Variants in MAD1L1 observed in about 807,000 individuals in gnomAD.
MAD1L1 encodes the protein mitotic spindle assembly checkpoint protein MAD1.
MAD1L1 carries 95 observed loss-of-function variants against 96.9 expected under a neutral mutation model. The ratio of observed to expected loss-of-function variants is 0.98; its 90% CI spans 0.83 to 1.16. The LOEUF is 1.16. MAD1L1 is among the 50% of genes most tolerant of loss of function. MAD1L1 has a pLI of 0.00. For synonymous variants in MAD1L1, 473 were observed against 396.6 expected, an observed-to-expected ratio of 1.19 and a Z score of -2.29; for missense variants, 1,007 against 954.4, an observed-to-expected ratio of 1.06 and a Z score of -0.73.
chr7:1,828,685 G>A (rs928317611), intron 18 of MAD1L1, among the ~76,000 whole-genome samples: 14 of 152,036 alleles, frequency 9.2e-5, no homozygotes, highest in Admixed American at 4.6e-4. Flanking sequence ...CAGAGCTCAC[G>A]AATATTTATA....
At chr7:1,855,238 C>G (rs1036618400) in intron 18 of MAD1L1, among the ~76,000 whole-genome samples, 1 of 152,092 alleles carries the variant, frequency 6.6e-6, no homozygotes, top group Non-Finnish European at 1.5e-5. Context: ...CAGTGGCAGA[C>G]GGGGCCTGAG....
At chr7:2,201,442 C>T (rs117482721) in intron 10 of MAD1L1, among the ~76,000 whole-genome samples, 2,295 of 152,270 alleles carry the variant, frequency 0.015, 28 homozygotes, top group Non-Finnish European at 0.023. Context: ...GGGGACAGCA[C>T]GCAACAGGAC....
At position 1,936,785 on chromosome 7, in the gene MAD1L1, C is replaced by CGCTCG. The variant is rs1209220602; in HGVS notation, c.1704_1708dup (p.Arg570ProfsTer37). 2 of 1,581,082 alleles carry CGCTCG rather than the reference C, an allele frequency of 1.3e-6. No homozygotes were observed. Among genetic ancestry groups the CGCTCG allele is most frequent in the African/African-American group, 2.7e-5 (2 of 74,456 alleles). ...CATGGCGCGCAGGAGCCCGCGCAGT[C>CGCTCG]GCTCGCACTCCGCCTGCAGCTGGCT... On this transcript the variant is annotated frameshift_variant, in exon 17 of 19. Transcript: ENST00000265854. LOFTEE classifies it high-confidence loss of function.
At chr7:1,902,744 C>T (rs561314377) in intron 17 of MAD1L1, among the ~76,000 whole-genome samples, 31 of 152,346 alleles carry the variant, frequency 2.0e-4, no homozygotes, top group East Asian at 5.8e-4. Flanking sequence ...CAGCAGGCAC[C>T]GTTCCAGAAA....
intron 18 of MAD1L1, among the ~76,000 whole-genome samples, chr7:1,822,446 T>A (rs55999702): frequency 0.068 from 5,427 of 79,748 alleles, 162 homozygotes; most frequent in East Asian, 0.11. Context: ...ATATATATTT[T>A]TTTTTTTTTT....
chr7:2,183,280 C>G (rs1021063134), intron 10 of MAD1L1, among the ~76,000 whole-genome samples: 3 of 150,070 alleles, frequency 2.0e-5, no homozygotes, highest in Non-Finnish European at 4.4e-5. Context: ...AATTTAAAAA[C>G]TAAAGAAAAT....
chr7:2,020,273 C>T (rs551475498), intron 12 of MAD1L1, among the ~76,000 whole-genome samples: 5 of 152,318 alleles, frequency 3.3e-5, no homozygotes, highest in Admixed American at 6.5e-5. Flanking sequence ...CACTAACCCC[C>T]GCTCTGGGCT....
intron 10 of MAD1L1, among the ~76,000 whole-genome samples, chr7:2,150,246 C>T (rs1004878843): frequency 1.4e-4 from 22 of 152,308 alleles, no homozygotes; most frequent in African/African-American, 5.1e-4. Flanking sequence ...CCCGGGCACA[C>T]CCTCCCAGCA....
intron 18 of MAD1L1, among the ~76,000 whole-genome samples, chr7:1,840,316 C>A (rs1002179498): frequency 6.6e-6 from 1 of 152,266 alleles, no homozygotes; most frequent in African/African-American, 2.4e-5. Context: ...TCCAGGCCAC[C>A]TCCTCCAGGC....
chr7:1,922,302 C>T (rs917743455), intron 17 of MAD1L1, among the ~76,000 whole-genome samples: 1 of 152,272 alleles, frequency 6.6e-6, no homozygotes, highest in South Asian at 2.1e-4. Context: ...AGACCTCCCA[C>T]GCCTCGCCTC....
chr7:2,166,475 A>G (rs2058430), intron 10 of MAD1L1, among the ~76,000 whole-genome samples: 45,659 of 143,148 alleles, frequency 0.32, 8,888 homozygotes, highest in East Asian at 0.73. Context: ...TGAACTGTTC[A>G]AGCTAAAAAA....
intron 18 of MAD1L1, among the ~76,000 whole-genome samples, chr7:1,876,148 C>A (rs1562481335): frequency 1.3e-5 from 2 of 152,210 alleles, no homozygotes; most frequent in Non-Finnish European, 1.5e-5. Flanking sequence ...TTTTGGTGAA[C>A]TAGCCCCTTG....
intron 18 of MAD1L1, among the ~76,000 whole-genome samples, chr7:1,854,550 T>C (rs1234971539): frequency 6.6e-6 from 1 of 152,064 alleles, no homozygotes; most frequent in South Asian, 2.1e-4. Context: ...GGGTCCCCTC[T>C]ATAAGGATGT....
intron 18 of MAD1L1, among the ~76,000 whole-genome samples, chr7:1,821,664 C>G (rs1426675431): frequency 6.6e-6 from 1 of 152,166 alleles, no homozygotes; most frequent in Non-Finnish European, 1.5e-5. Flanking sequence ...TCCACCCTAT[C>G]AACAGGCTAA....
chr7:1,835,515 C>T (rs1413204172), intron 18 of MAD1L1, among the ~76,000 whole-genome samples: 1 of 152,008 alleles, frequency 6.6e-6, no homozygotes, highest in Non-Finnish European at 1.5e-5. Flanking sequence ...TATATAGTAG[C>T]AACAGAAATT....
chr7:1,820,721 C>T (rs1256593448), intron 18 of MAD1L1, among the ~76,000 whole-genome samples: 7 of 151,882 alleles, frequency 4.6e-5, no homozygotes, highest in Non-Finnish European at 7.4e-5. Context: ...CCAGCCTGGG[C>T]AACAGAGTGA....
intron 3 of MAD1L1, among the ~76,000 whole-genome samples, chr7:2,228,259 A>G (rs1450431647): frequency 1.3e-5 from 2 of 152,040 alleles, no homozygotes; most frequent in African/African-American, 2.4e-5. Flanking sequence ...CATTCGCAAC[A>G]CTAAAATCAC....
intron 14 of MAD1L1, among the ~76,000 whole-genome samples, chr7:1,981,660 T>G (rs926921950): frequency 6.6e-6 from 1 of 151,960 alleles, no homozygotes; most frequent in Non-Finnish European, 1.5e-5. Flanking sequence ...GAAGGACAGG[T>G]GCCAGCAGGT....
At chr7:2,208,985 C>T (rs1167467156) in intron 10 of MAD1L1, among the ~76,000 whole-genome samples, 1 of 152,216 alleles carries the variant, frequency 6.6e-6, no homozygotes, top group Non-Finnish European at 1.5e-5. Context: ...GGTGTCCACA[C>T]CACACTCCCG....
Sources: allele counts gnomAD v4.1 joint callset (sites outside exome capture counted in the v4.1 genomes callset), GRCh38; gene constraint gnomAD v4.1.1; transcripts MANE v1.5; gene names NCBI Gene and HGNC (gene_info 2026-07-23, HGNC 2026-07-21).